Variants in SND1 observed in about 807,000 individuals in gnomAD.
SND1 encodes the protein staphylococcal nuclease and tudor domain containing 1.
In SND1, 38 loss-of-function variants were observed where a neutral mutation model predicts 121.7. The observed-to-expected ratio is 0.31, with a 90% CI of 0.24 to 0.41. The LOEUF (loss-of-function observed/expected upper bound fraction) is 0.41, where lower values mean the gene tolerates loss of function less well. Among genes scored for constraint, SND1 ranks in the 10% least tolerant of loss-of-function variants. SND1 has a pLI of 1.00. For missense variants in SND1, 868 were observed against 1,184.6 expected (o/e 0.73, Z 3.92); for synonymous variants, 401 against 447.4 (o/e 0.90, Z 1.31).
At chr7:127,672,070 G>A (rs1228285424) in intron 1 of SND1, among the ~76,000 whole-genome samples, 1 of 152,192 alleles carries the variant, frequency 6.6e-6, no homozygotes, top group Non-Finnish European at 1.5e-5. Flanking sequence ...AACAGTAACA[G>A]TGCTGAGAGT....
intron 15 of SND1, among the ~76,000 whole-genome samples, chr7:127,936,534 T>C (rs991918735): frequency 6.6e-6 from 1 of 152,182 alleles, no homozygotes; most frequent in Non-Finnish European, 1.5e-5. Flanking sequence ...TTTTTTACTT[T>C]CTTTTTCTTT....
chr7:127,765,755 G>A (rs914320233), intron 10 of SND1, among the ~76,000 whole-genome samples: 1 of 152,168 alleles, frequency 6.6e-6, no homozygotes, highest in Admixed American at 6.5e-5. Context: ...TAGCTGATGA[G>A]CATTGTGTAA....
chr7:127,720,086 A>G (rs894743129), intron 9 of SND1, among the ~76,000 whole-genome samples: 1 of 152,220 alleles, frequency 6.6e-6, no homozygotes, highest in Non-Finnish European at 1.5e-5. Context: ...CTGCAAGTAA[A>G]TGAATACATT....
chr7:128,059,605 A>G (rs1338128858), intron 16 of SND1, among the ~76,000 whole-genome samples: 1 of 152,240 alleles, frequency 6.6e-6, no homozygotes, highest in Non-Finnish European at 1.5e-5. Context: ...TCAACTAGGC[A>G]TCCCAGTCCT....
At chr7:128,059,654 A>C (rs1441964829) in intron 16 of SND1, among the ~76,000 whole-genome samples, 1 of 152,190 alleles carries the variant, frequency 6.6e-6, no homozygotes, top group Non-Finnish European at 1.5e-5. Context: ...GCAGTGCTGA[A>C]CCACAAGCAT....
At chr7:127,922,528 A>C (rs1203503262) in intron 14 of SND1, among the ~76,000 whole-genome samples, 1 of 152,132 alleles carries the variant, frequency 6.6e-6, no homozygotes, top group African/African-American at 2.4e-5. Context: ...GGTAGGACCA[A>C]CCAAATAAAA....
chr7:127,666,242 A>G (rs1179905492), intron 1 of SND1, among the ~76,000 whole-genome samples: 1 of 152,176 alleles, frequency 6.6e-6, no homozygotes, highest in Non-Finnish European at 1.5e-5. Flanking sequence ...CCATTATATT[A>G]CAAGTAAGGC....
intron 10 of SND1, among the ~76,000 whole-genome samples, chr7:127,728,354 C>T (rs1282948119): frequency 6.6e-6 from 1 of 152,148 alleles, no homozygotes; most frequent in African/African-American, 2.4e-5. Context: ...TCTACATTTT[C>T]AATTTATCTA....
At chr7:127,887,338 T>C (rs1799930183) in intron 12 of SND1, among the ~76,000 whole-genome samples, 1 of 152,004 alleles carries the variant, frequency 6.6e-6, no homozygotes, top group Non-Finnish European at 1.5e-5. Flanking sequence ...CTGCCTCTTC[T>C]CTCTTCATTC....
At chr7:127,721,243 G>T in intron 9 of SND1, 44 bp from the exon 10 acceptor site, 1 of 1,350,792 alleles carries the variant, frequency 7.4e-7, no homozygotes, top group Non-Finnish European at 1.1e-6. Context: ...ACATGTGATG[G>T]GGGCCATAGA....
intron 16 of SND1, among the ~76,000 whole-genome samples, chr7:128,026,786 C>G (rs913623217): frequency 2.6e-5 from 4 of 152,314 alleles, no homozygotes; most frequent in African/African-American, 9.6e-5. Context: ...ACCCATTTCC[C>G]CTGCTTTTCC....
intron 16 of SND1, chr7:127,997,459 G>C (rs767540403): frequency 8.9e-6 from 3 of 335,362 alleles, no homozygotes; most frequent in Non-Finnish European, 1.8e-5. Flanking sequence ...TATTTACTCT[G>C]CTCTTCCCAC....
intron 13 of SND1, among the ~76,000 whole-genome samples, chr7:127,890,885 A>G (rs1036220877): frequency 1.3e-5 from 2 of 152,130 alleles, no homozygotes; most frequent in Admixed American, 6.6e-5. Flanking sequence ...TTTCAGACTG[A>G]TGGTGAGAAA....
intron 1 of SND1, among the ~76,000 whole-genome samples, chr7:127,659,148 C>T (rs1294612185): frequency 6.6e-6 from 1 of 152,212 alleles, no homozygotes; most frequent in Non-Finnish European, 1.5e-5. Flanking sequence ...ATACACAACC[C>T]GGTTTCTGTT....
intron 16 of SND1, among the ~76,000 whole-genome samples, chr7:128,011,511 G>A (rs1314584874): frequency 6.6e-6 from 1 of 152,180 alleles, no homozygotes; most frequent in East Asian, 1.9e-4. Flanking sequence ...TGTGTAACAT[G>A]TGATCAGGGG....
chr7:127,714,336 G>A (rs1006120305), intron 9 of SND1, among the ~76,000 whole-genome samples: 33 of 152,176 alleles, frequency 2.2e-4, no homozygotes, highest in Admixed American at 1.7e-3. Flanking sequence ...TTGGAGATCA[G>A]GATATAAACT....
intron 16 of SND1, among the ~76,000 whole-genome samples, chr7:128,071,136 C>T (rs1227907672): frequency 6.6e-6 from 1 of 152,086 alleles, no homozygotes; most frequent in Non-Finnish European, 1.5e-5. Flanking sequence ...TGCAGAAATA[C>T]TAGGATGTGC....
intron 18 of SND1, chr7:128,081,949 G>A (rs1793609862): frequency 1.9e-6 from 1 of 535,210 alleles, no homozygotes; most frequent in Non-Finnish European, 3.8e-6. Flanking sequence ...TGTCTCTGCT[G>A]GGGTTTCTCC....
chr7:127,673,889 C>T (rs1435415816), intron 1 of SND1, among the ~76,000 whole-genome samples: 1 of 152,096 alleles, frequency 6.6e-6, no homozygotes, highest in African/African-American at 2.4e-5. Context: ...CAAGGTATTC[C>T]AGGCTCATAT....
Sources: allele counts gnomAD v4.1 joint callset (sites outside exome capture counted in the v4.1 genomes callset), GRCh38; gene constraint gnomAD v4.1.1; transcripts MANE v1.5; gene names NCBI Gene and HGNC (gene_info 2026-07-23, HGNC 2026-07-21).